SMAD3: variants seen among roughly 807,000 people sequenced by gnomAD.
SMAD3 encodes MAD homolog 3.
Under a neutral mutation model 51.8 loss-of-function variants are expected in SMAD3, and 12 were observed. The observed-to-expected ratio is 0.23, with a 90% CI of 0.15 to 0.38. SMAD3 has a LOEUF of 0.38. SMAD3 is among the 10% of genes least tolerant of loss of function. SMAD3 has a pLI of 1.00. For missense variants in SMAD3, 294 were observed against 565.6 expected (o/e 0.52, Z 4.87); for synonymous variants, 238 against 227.7 (o/e 1.05, Z -0.41).
intron 1 of SMAD3, among the ~76,000 whole-genome samples, chr15:67,067,314 G>C (rs1376239377): frequency 1.3e-5 from 2 of 152,170 alleles, no homozygotes; most frequent in Non-Finnish European, 2.9e-5. Flanking sequence ...GCTGATAGAA[G>C]GGGTCAGTGA....
intron 1 of SMAD3, among the ~76,000 whole-genome samples, chr15:67,148,336 G>T (rs1595929478): frequency 6.6e-6 from 1 of 152,158 alleles, no homozygotes; most frequent in African/African-American, 2.4e-5. Context: ...AGCAGCCAGG[G>T]CTCCAGTCCA....
intron 1 of SMAD3, among the ~76,000 whole-genome samples, chr15:67,080,354 G>T (rs539638946): frequency 6.6e-6 from 1 of 152,198 alleles, no homozygotes; most frequent in African/African-American, 2.4e-5. Context: ...GGAACATTTG[G>T]CTATGCTGAT....
rs1963376868 is a variant in SMAD3 at position 67,191,916 on chromosome 15, C to G, written c.*1380C>G. On this transcript the variant is annotated 3_prime_UTR_variant, in exon 9 of 9. Transcript: ENST00000327367. ...CTCCCAGCAGCAATTAGGGAGAAAA[C>G]TAGTCTAAATTATTTCAACTGGAAA... 1 of 227,984 alleles carries G rather than the reference C, an allele frequency of 4.4e-6. No homozygotes were observed. Among genetic ancestry groups the G allele is most frequent in the Non-Finnish European group, 8.7e-6 (1 of 114,584 alleles). 14.1% of individuals were successfully genotyped at this position (227,984 alleles called of 1,614,324 possible). A position where few individuals can be genotyped will look rare whatever the true frequency, so the allele number is the denominator to read the frequency against.
intron 1 of SMAD3, among the ~76,000 whole-genome samples, chr15:67,082,536 C>T (rs187706883): frequency 3.6e-4 from 55 of 152,336 alleles, no homozygotes; most frequent in Non-Finnish European, 7.3e-4. Context: ...TATCTTTGTG[C>T]ATCTCTCTTG....
At chr15:67,074,453 TA>T (rs1462204967) in intron 1 of SMAD3, among the ~76,000 whole-genome samples, 1 of 152,268 alleles carries the variant, frequency 6.6e-6, no homozygotes, top group Non-Finnish European at 1.5e-5. Flanking sequence ...AGCATCTATA[TA>T]AAGAAAGGCT....
chr15:67,190,182 T>G (rs1357495000), intron 8 of SMAD3, among the ~76,000 whole-genome samples: 1 of 152,134 alleles, frequency 6.6e-6, no homozygotes, highest in Non-Finnish European at 1.5e-5. Context: ...TTTAACTCTT[T>G]AAAGTCGACT....
intron 1 of SMAD3, among the ~76,000 whole-genome samples, chr15:67,069,808 C>T (rs1027400545): frequency 2.0e-5 from 3 of 152,088 alleles, no homozygotes; most frequent in South Asian, 2.1e-4. Flanking sequence ...CCGGTTCAAG[C>T]GATTCTTGTG....
intron 1 of SMAD3, among the ~76,000 whole-genome samples, chr15:67,112,410 C>G (rs1291697365): frequency 1.6e-5 from 2 of 122,952 alleles, no homozygotes; most frequent in Non-Finnish European, 3.3e-5. Context: ...ATCCACACGC[C>G]TTGGCCTCCC....
intron 1 of SMAD3, among the ~76,000 whole-genome samples, chr15:67,086,883 C>T (rs1422138078): frequency 1.4e-5 from 2 of 143,226 alleles, no homozygotes; most frequent in Admixed American, 7.0e-5. Context: ...TATCACATTG[C>T]ATATCTTCTC....
intron 5 of SMAD3, 26 bp from the exon 6 acceptor site, chr15:67,181,215 C>A: frequency 6.3e-7 from 1 of 1,597,572 alleles, no homozygotes; most frequent in Non-Finnish European, 8.6e-7. Flanking sequence ...CACCCAATGA[C>A]CCAGTAGCCC....
chr15:67,069,737 T>G (rs1052219806), intron 1 of SMAD3, among the ~76,000 whole-genome samples: 1 of 152,092 alleles, frequency 6.6e-6, no homozygotes, highest in African/African-American at 2.4e-5. Flanking sequence ...GACAGAGTCT[T>G]GCCTTGTTGC....
At chr15:67,181,146 G>C (rs546689586) in intron 5 of SMAD3, 95 bp from the exon 6 acceptor site, 2 of 922,152 alleles carry the variant, frequency 2.2e-6, no homozygotes, top group Non-Finnish European at 3.5e-6. Flanking sequence ...TCTGAAATGC[G>C]GGGAAATGGT....
chr15:67,169,339 G>C (rs1273124380), intron 4 of SMAD3, among the ~76,000 whole-genome samples: 1 of 152,104 alleles, frequency 6.6e-6, no homozygotes, highest in Non-Finnish European at 1.5e-5. Flanking sequence ...CCTCAAGGAG[G>C]TTACAGCTGA....
chr15:67,121,621 T>C (rs940111157), intron 1 of SMAD3, among the ~76,000 whole-genome samples: 2 of 152,146 alleles, frequency 1.3e-5, no homozygotes, highest in Non-Finnish European at 2.9e-5. Context: ...ACAAGAACAT[T>C]TGTGAAGAAA....
At chr15:67,080,951 A>C (rs1028989308) in intron 1 of SMAD3, among the ~76,000 whole-genome samples, 2 of 151,928 alleles carry the variant, frequency 1.3e-5, no homozygotes, top group Non-Finnish European at 2.9e-5. Flanking sequence ...AGTTCTCTCA[A>C]CTCTCCAACC....
chr15:67,165,851 T>TGGGTGGGAA (rs1962572379), intron 3 of SMAD3, among the ~76,000 whole-genome samples: 1 of 152,192 alleles, frequency 6.6e-6, no homozygotes, highest in Non-Finnish European at 1.5e-5. Context: ...TTGAAGTGAC[T>TGGGTGGGAA]TTGAGTTTTC....
intron 1 of SMAD3, among the ~76,000 whole-genome samples, chr15:67,154,141 T>C (rs949667517): frequency 1.3e-5 from 2 of 152,144 alleles, no homozygotes; most frequent in African/African-American, 4.8e-5. Flanking sequence ...TCTGGAGAAC[T>C]AGCAGAGGGA....
Position 67,191,782 on chromosome 15 carries a change from C to G in SMAD3, c.*1246C>G, listed in dbSNP as rs1310038478. 4.3e-6 allele frequency: 1 copy of G among 230,246 alleles called. No individual in the cohort carries two copies. Among genetic ancestry groups the G allele is most frequent in the Admixed American group, 5.7e-5 (1 of 17,666 alleles). The allele number at this position is 230,246 out of a possible 1,614,324, so 14.3% of individuals were successfully genotyped here. Reference sequence around the variant, plus strand: ...TTTTTACACCTTTGAAAATTGCAGGCTTGGTACAAAGAGGTCTGTCATCTT... The same window carrying G: ...TTTTTACACCTTTGAAAATTGCAGGGTTGGTACAAAGAGGTCTGTCATCTT... On this transcript the variant is annotated 3_prime_UTR_variant, in exon 9 of 9. Transcript: ENST00000327367.
chr15:67,166,861 A>C lies in SMAD3; in HGVS notation c.607+8A>C. 6.3e-7 allele frequency: 1 copy of C among 1,575,264 alleles called. No individual in the cohort carries two copies. Among genetic ancestry groups the C allele is most frequent in the East Asian group, 2.3e-5 (1 of 43,550 alleles). On this transcript the variant is annotated splice_region_variant and intron_variant, in intron 4 of 8. Coordinates refer to ENST00000327367, the MANE Select transcript of SMAD3 (RefSeq NM_005902.4). ...ACCACAGCATGGACGCAGGTCAGTC[A>C]TGCAGGGTCATGCTCTTATTCTTAA...
Sources: gnomAD v4.1 joint callset for allele counts (sites outside exome capture counted in the v4.1 genomes callset) on GRCh38, gnomAD v4.1.1 for gene constraint, MANE v1.5 for transcripts, NCBI Gene and HGNC (gene_info 2026-07-23, HGNC 2026-07-21) for gene names.